The following LPP variants were observed in gnomAD, a reference collection of about 807,000 sequenced individuals.
LPP encodes the protein lipoma-preferred partner.
A neutral mutation model predicts 60.4 loss-of-function variants in LPP; 38 were observed. That is an observed-to-expected ratio of 0.63 (90% CI 0.49 to 0.83). LPP has a LOEUF of 0.83. Among genes scored for constraint, LPP ranks in the 40% least tolerant of loss-of-function variants. The pLI is 0.00. For missense variants in LPP, 902 were observed against 783.6 expected (o/e 1.15, Z -1.80); for synonymous variants, 328 against 290.8 (o/e 1.13, Z -1.30).
chr3:188,568,742 G>A (rs1832806617), intron 6 of LPP: 1 of 152,040 alleles, frequency 6.6e-6, no homozygotes, highest in Non-Finnish European at 1.5e-5. Flanking sequence ...GAGGTGAGTG[G>A]CTTGGGGAAA....
At chr3:188,598,967 C>T (rs576848086) in intron 6 of LPP, among the ~76,000 whole-genome samples, 1 of 152,196 alleles carries the variant, frequency 6.6e-6, no homozygotes, top group African/African-American at 2.4e-5. Flanking sequence ...TGTCTGGTCC[C>T]TTGAGGAGAT....
chr3:188,400,091 C>T (rs1270332282), intron 3 of LPP, among the ~76,000 whole-genome samples: 1 of 151,984 alleles, frequency 6.6e-6, no homozygotes, highest in Non-Finnish European at 1.5e-5. Context: ...TTGGCTTCAT[C>T]ACTTTGTGGT....
At chr3:188,521,456 C>G (rs1437479666) in intron 5 of LPP, among the ~76,000 whole-genome samples, 1 of 152,068 alleles carries the variant, frequency 6.6e-6, no homozygotes, top group African/African-American at 2.4e-5. Context: ...TGACTTCAGG[C>G]ATAGTCAGTT....
intron 3 of LPP, among the ~76,000 whole-genome samples, chr3:188,357,051 C>A (rs1767814012): frequency 1.3e-5 from 2 of 152,180 alleles, no homozygotes. Context: ...CTACCACCAC[C>A]ACCATGGTTC....
intron 6 of LPP, among the ~76,000 whole-genome samples, chr3:188,530,018 G>A (rs1352592465): frequency 6.6e-6 from 1 of 152,218 alleles, no homozygotes. Flanking sequence ...GGCTTAAAGT[G>A]TTACGGGAAG....
chr3:188,389,354 T>C (rs983142371), intron 3 of LPP, among the ~76,000 whole-genome samples: 2 of 152,194 alleles, frequency 1.3e-5, no homozygotes, highest in Middle Eastern at 3.2e-3. Context: ...CCCAAGGGCC[T>C]GGGACTTGAC....
chr3:188,630,659 A>G (rs1484853325), intron 7 of LPP, among the ~76,000 whole-genome samples: 1 of 152,190 alleles, frequency 6.6e-6, no homozygotes, highest in Non-Finnish European at 1.5e-5. Context: ...AAGTTGGTGC[A>G]AAAGTAATTG....
At chr3:188,654,227 C>T (rs534599935) in intron 7 of LPP, among the ~76,000 whole-genome samples, 4 of 152,178 alleles carry the variant, frequency 2.6e-5, no homozygotes, top group East Asian at 1.9e-4. Flanking sequence ...TGAAGAGAAA[C>T]GATGTTCTTT....
At chr3:188,297,087 T>A (rs1482850181) in intron 2 of LPP, among the ~76,000 whole-genome samples, 1 of 152,196 alleles carries the variant, frequency 6.6e-6, no homozygotes, top group African/African-American at 2.4e-5. Flanking sequence ...GGCCACAATA[T>A]GGAAGTGAAA....
intron 7 of LPP, among the ~76,000 whole-genome samples, chr3:188,677,131 A>C (rs973309571): frequency 6.6e-6 from 1 of 152,052 alleles, no homozygotes; most frequent in Non-Finnish European, 1.5e-5. Context: ...CCCCAGCCTA[A>C]CTTTGCTTGT....
At chr3:188,502,397 T>G (rs1225592922) in intron 5 of LPP, among the ~76,000 whole-genome samples, 1 of 152,222 alleles carries the variant, frequency 6.6e-6, no homozygotes. Context: ...CTTTTTTGAC[T>G]TAAAATCTAT....
intron 9 of LPP, among the ~76,000 whole-genome samples, chr3:188,836,794 A>G (rs1412152012): frequency 1.3e-5 from 2 of 152,194 alleles, no homozygotes; most frequent in Admixed American, 6.5e-5. Context: ...CTTCCCACAA[A>G]TAACACTGGG....
At chr3:188,274,442 C>T (rs1340362500) in intron 2 of LPP, among the ~76,000 whole-genome samples, 1 of 152,132 alleles carries the variant, frequency 6.6e-6, no homozygotes, top group Non-Finnish European at 1.5e-5. Flanking sequence ...AGCTCCCAGC[C>T]CCTAGCCCAG....
At chr3:188,326,114 G>T (rs1758358628) in intron 2 of LPP, among the ~76,000 whole-genome samples, 1 of 152,214 alleles carries the variant, frequency 6.6e-6, no homozygotes, top group Non-Finnish European at 1.5e-5. Context: ...CATTTGGGGA[G>T]AGAGGTTCTT....
At chr3:188,303,680 TGTG>T (rs1471307483) in intron 2 of LPP, among the ~76,000 whole-genome samples, 1 of 152,122 alleles carries the variant, frequency 6.6e-6, no homozygotes, top group Non-Finnish European at 1.5e-5. Context: ...GCAGGGCACT[TGTG>T]GTGAATAATG....
intron 1 of LPP, among the ~76,000 whole-genome samples, chr3:188,154,584 G>A (rs1715600919): frequency 2.0e-5 from 3 of 152,222 alleles, no homozygotes. Context: ...AGTTGTCACA[G>A]CGGAAAGGGC....
intron 2 of LPP, 78 bp from the exon 3 acceptor site, chr3:188,341,585 G>C (rs1331200875): frequency 7.8e-6 from 3 of 382,698 alleles, no homozygotes; most frequent in African/African-American, 2.2e-5. Flanking sequence ...GTAGATATAA[G>C]AGGTTATGAC....
chr3:188,439,605 CTT>C (rs1793271555), intron 4 of LPP, among the ~76,000 whole-genome samples: 2 of 152,296 alleles, frequency 1.3e-5, no homozygotes, highest in East Asian at 3.9e-4. Flanking sequence ...GTCTATACTT[CTT>C]TTATACCTGG....
intron 8 of LPP, among the ~76,000 whole-genome samples, chr3:188,753,580 CGTGTGTGT>C (rs141731350): frequency 0.051 from 7,171 of 139,592 alleles, 209 homozygotes; most frequent in Non-Finnish European, 0.071. Flanking sequence ...TTGTTGTGTG[CGTGTGTGT>C]GTGTGTGTGT....
Sources: gnomAD v4.1 joint callset for allele counts (sites outside exome capture counted in the v4.1 genomes callset) on GRCh38, gnomAD v4.1.1 for gene constraint, MANE v1.5 for transcripts, NCBI Gene and HGNC (gene_info 2026-07-23, HGNC 2026-07-21) for gene names.